Variants in FNBP1L observed in about 807,000 individuals in gnomAD.
FNBP1L encodes the protein formin-binding protein 1-like.
Under a neutral mutation model 91.2 loss-of-function variants are expected in FNBP1L, and 36 were observed. The ratio of observed to expected loss-of-function variants is 0.39; its 90% CI spans 0.30 to 0.52. The LOEUF (loss-of-function observed/expected upper bound fraction) is 0.52, where lower values mean the gene tolerates loss of function less well. Among genes scored for constraint, FNBP1L ranks in the 20% least tolerant of loss-of-function variants. The pLI is 0.66. For missense variants in FNBP1L, 571 were observed against 732.1 expected, an observed-to-expected ratio of 0.78 and a Z score of 2.54; for synonymous variants, 242 against 237.0, an observed-to-expected ratio of 1.02 and a Z score of -0.19.
In FNBP1L at chr1:93,465,453, G is replaced by GT. The variant is rs575726513; in HGVS notation, c.24+17151dup. 7.1e-3 allele frequency among the ~76,000 whole-genome samples: 1,084 copies of GT among 152,042 alleles called. 11 individuals carry two copies. Among genetic ancestry groups the GT allele is most frequent in the African/African-American group, 0.025 (1,025 of 41,418 alleles). On this transcript the variant is annotated intron_variant, in intron 1 of 16. Coordinates refer to ENST00000271234, the MANE Select transcript of FNBP1L (RefSeq NM_001164473.3). ...CCACCTATGAGTGAGAACATGTGGT[G>GT]TTTGGTTTTCTGTCCTTGTGATAGT...
At chr1:93,484,375 A>G (rs1380644663) in intron 1 of FNBP1L, among the ~76,000 whole-genome samples, 1 of 152,230 alleles carries the variant, frequency 6.6e-6, no homozygotes, top group African/African-American at 2.4e-5. Flanking sequence ...GAAAGGGAAA[A>G]GGGGAAAACA....
In FNBP1L at chr1:93,532,900, TAAA is replaced by T. The variant is rs1419871156; in HGVS notation, c.640-17_640-15del. ...ATTGAAAAATTCAGTTTTCTCTTTT[TAAA>T]AAAATTCTTGATTATTAGCAACTAC... On this transcript the variant is annotated intron_variant, in intron 7 of 16. Coordinates refer to ENST00000271234, the MANE Select transcript of FNBP1L (RefSeq NM_001164473.3). The T allele has an allele frequency of 2.6e-6, 4 of 1,566,826 alleles. No homozygotes were observed. The highest frequency in any genetic ancestry group is 3.5e-6 in the Non-Finnish European group (4 of 1,153,482).
intron 1 of FNBP1L, among the ~76,000 whole-genome samples, chr1:93,473,394 A>T (rs779377713): frequency 3.9e-5 from 6 of 152,134 alleles, no homozygotes; most frequent in Non-Finnish European, 5.9e-5. Flanking sequence ...TTCCCATTTT[A>T]CAGAAGGTGA....
chr1:93,448,198 G>A lies in FNBP1L; in HGVS notation c.-84G>A, dbSNP rs1414174979. 4.0e-6 allele frequency: 6 copies of A among 1,498,676 alleles called. No individual in the cohort carries two copies. Among genetic ancestry groups the A allele is most frequent in the South Asian group, 1.2e-5 (1 of 80,522 alleles). 92.8% of individuals were successfully genotyped at this position (1,498,676 alleles called of 1,614,324 possible). ...AGACCCGCTGAGCTGCTAGCCCGCC[G>A]GCCAGCGAGTGAGAGGTCGGACAGA... On this transcript the variant is annotated 5_prime_UTR_variant, in exon 1 of 17. Coordinates refer to ENST00000271234, the MANE Select transcript of FNBP1L (RefSeq NM_001164473.3).
chr1:93,550,641 A>T (rs1672378375), intron 15 of FNBP1L, among the ~76,000 whole-genome samples: 1 of 152,230 alleles, frequency 6.6e-6, no homozygotes, highest in Non-Finnish European at 1.5e-5. Context: ...AAGAGTTGGA[A>T]TAGTGACATA....
intron 2 of FNBP1L, among the ~76,000 whole-genome samples, chr1:93,515,961 A>G (rs193178325): frequency 6.6e-4 from 101 of 152,274 alleles, no homozygotes; most frequent in African/African-American, 2.0e-3. Flanking sequence ...TAATTGACCT[A>G]TTATCCTCTA....
intron 10 of FNBP1L, among the ~76,000 whole-genome samples, chr1:93,538,177 G>A (rs933833522): frequency 1.3e-5 from 2 of 150,966 alleles, no homozygotes; most frequent in Admixed American, 6.6e-5. Flanking sequence ...GAGATGCGAG[G>A]TAAGTGTAAT....
intron 1 of FNBP1L, among the ~76,000 whole-genome samples, chr1:93,491,870 A>G (rs976981428): frequency 2.6e-4 from 39 of 152,364 alleles, no homozygotes; most frequent in Non-Finnish European, 5.9e-5. Context: ...CATTGTATCC[A>G]TATATCCAGT....
chr1:93,500,498 G>A (rs752130190), intron 2 of FNBP1L, among the ~76,000 whole-genome samples: 1 of 151,118 alleles, frequency 6.6e-6, no homozygotes, highest in African/African-American at 2.5e-5. Flanking sequence ...GGAAGAAGAG[G>A]AAGAGGGATG....
At chr1:93,501,162 T>C (rs1398580087) in intron 2 of FNBP1L, among the ~76,000 whole-genome samples, 1 of 152,126 alleles carries the variant, frequency 6.6e-6, no homozygotes, top group African/African-American at 2.4e-5. Flanking sequence ...TCTCAGTTTT[T>C]CCAATAGAAA....
At chr1:93,496,532 C>G (rs1026569039) in intron 1 of FNBP1L, among the ~76,000 whole-genome samples, 1 of 152,086 alleles carries the variant, frequency 6.6e-6, no homozygotes, top group African/African-American at 2.4e-5. Context: ...TCCCAGGTAG[C>G]TGGAACTACA....
At chr1:93,487,551 T>A (rs1669949692) in intron 1 of FNBP1L, among the ~76,000 whole-genome samples, 2 of 152,150 alleles carry the variant, frequency 1.3e-5, no homozygotes, top group Non-Finnish European at 2.9e-5. Context: ...TGACAGAGAT[T>A]TTTGACTCCA....
At chr1:93,489,317 G>A (rs1256291031) in intron 1 of FNBP1L, among the ~76,000 whole-genome samples, 1 of 152,000 alleles carries the variant, frequency 6.6e-6, no homozygotes, top group Non-Finnish European at 1.5e-5. Flanking sequence ...GATGTGTTGG[G>A]AACAATGGGT....
intron 1 of FNBP1L, among the ~76,000 whole-genome samples, chr1:93,470,956 C>T (rs946730405): frequency 6.6e-6 from 1 of 150,842 alleles, no homozygotes; most frequent in African/African-American, 2.4e-5. Flanking sequence ...CTTTAGAATT[C>T]GATTAGTTTC....
intron 1 of FNBP1L, among the ~76,000 whole-genome samples, chr1:93,478,472 G>T (rs1311581451): frequency 6.6e-6 from 1 of 152,200 alleles, no homozygotes; most frequent in African/African-American, 2.4e-5. Context: ...AGGGCATCCT[G>T]TGCAGGAGGG....
At chr1:93,490,037 A>G (rs886645595) in intron 1 of FNBP1L, among the ~76,000 whole-genome samples, 2 of 152,240 alleles carry the variant, frequency 1.3e-5, no homozygotes, top group Non-Finnish European at 2.9e-5. Flanking sequence ...TTTTAAAATG[A>G]TGATGACACT....
At chr1:93,543,938 C>T (rs561175421) in intron 11 of FNBP1L, 169 bp from the exon 12 acceptor site, 37 of 414,794 alleles carry the variant, frequency 8.9e-5, no homozygotes, top group Middle Eastern at 3.4e-4. Context: ...TTAACATATA[C>T]GCATAAACAC....
chr1:93,457,670 C>T (rs375283962), intron 1 of FNBP1L, among the ~76,000 whole-genome samples: 1 of 151,834 alleles, frequency 6.6e-6, no homozygotes, highest in Non-Finnish European at 1.5e-5. Context: ...TATATTTTAT[C>T]CAGATTTTTT....
At chr1:93,531,406 C>T (rs149941292) in intron 7 of FNBP1L, among the ~76,000 whole-genome samples, 2 of 152,232 alleles carry the variant, frequency 1.3e-5, no homozygotes, top group African/African-American at 2.4e-5. Context: ...CAAACAGCCT[C>T]AGGTAAAAAA....
Sources: allele counts gnomAD v4.1 joint callset (sites outside exome capture counted in the v4.1 genomes callset), GRCh38; gene constraint gnomAD v4.1.1; transcripts MANE v1.5; gene names NCBI Gene and HGNC (gene_info 2026-07-23, HGNC 2026-07-21).